Variants in DLC1 observed in about 807,000 individuals in gnomAD.
DLC1 encodes DLC1 Rho GTPase activating protein.
In DLC1, 54 loss-of-function variants were observed where a neutral mutation model predicts 140.3. The observed-to-expected ratio is 0.38, with a 90% CI of 0.31 to 0.48. The LOEUF (loss-of-function observed/expected upper bound fraction) is 0.48, where lower values mean the gene tolerates loss of function less well. Ranked by LOEUF, DLC1 falls within the 20% of genes least tolerant of loss-of-function variation. The pLI is 0.96. For missense variants in DLC1, 2,536 were observed against 1,907.0 expected (o/e 1.33, Z -6.14); for synonymous variants, 986 against 728.1 (o/e 1.35, Z -5.70).
At chr8:13,523,368 T>G (rs1183350303) in intron 1 of DLC1, among the ~76,000 whole-genome samples, 1 of 152,108 alleles carries the variant, frequency 6.6e-6, no homozygotes, top group East Asian at 1.9e-4. Flanking sequence ...TCATCATCAA[T>G]TAAAAAAGGA....
intron 2 of DLC1, among the ~76,000 whole-genome samples, chr8:13,469,226 CTTA>C (rs1800095565): frequency 1.3e-5 from 2 of 152,050 alleles, no homozygotes; most frequent in South Asian, 4.1e-4. Context: ...GGATATTTTT[CTTA>C]TTATAAAGCT....
At chr8:13,581,667 C>G (rs757565126) in intron 1 of DLC1, among the ~76,000 whole-genome samples, 3 of 152,198 alleles carry the variant, frequency 2.0e-5, no homozygotes, top group Non-Finnish European at 4.4e-5. Context: ...GTAATCCAGT[C>G]TACATAATGA....
chr8:13,240,011 C>G (rs1023543016), intron 5 of DLC1, among the ~76,000 whole-genome samples: 8 of 152,150 alleles, frequency 5.3e-5, no homozygotes, highest in African/African-American at 1.9e-4. Flanking sequence ...CTACAGTGCT[C>G]TCTAAACATA....
chr8:13,466,673 TA>T (rs1799958551), intron 2 of DLC1, among the ~76,000 whole-genome samples: 1 of 152,146 alleles, frequency 6.6e-6, no homozygotes, highest in Non-Finnish European at 1.5e-5. Flanking sequence ...GCCACTGTAC[TA>T]AGAGAAACTA....
rs1826031228 is a variant in DLC1, at chr8:13,181,468, T to A, written c.1349-65811A>T. ...CGTCATTTATATTAGGTATTTCTCCTAATGCTATCCCTCCCCCAGCCCCCC... is the reference window on the plus strand; with the variant it reads ...CGTCATTTATATTAGGTATTTCTCCAAATGCTATCCCTCCCCCAGCCCCCC... On this transcript the variant is annotated intron_variant, in intron 5 of 17. Coordinates refer to ENST00000276297, the MANE Select transcript of DLC1 (RefSeq NM_182643.3). Among the ~76,000 whole-genome samples the A allele has an allele frequency of 3.3e-5, 5 of 151,906 alleles. No homozygotes were observed. The South Asian group carries it at 1.0e-3, about 32-fold the overall frequency.
intron 2 of DLC1, among the ~76,000 whole-genome samples, chr8:13,402,445 C>T (rs1461095398): frequency 3.3e-5 from 5 of 151,986 alleles, no homozygotes; most frequent in Admixed American, 6.6e-5. Context: ...GGATGGGGTA[C>T]GGTATTGGCT....
intron 4 of DLC1, among the ~76,000 whole-genome samples, chr8:13,344,461 C>A (rs1834224523): frequency 6.6e-6 from 1 of 152,298 alleles, no homozygotes; most frequent in South Asian, 2.1e-4. Context: ...CCGTTGCACT[C>A]TAGCCTGGGC....
intron 5 of DLC1, among the ~76,000 whole-genome samples, chr8:13,125,706 C>G (rs539110403): frequency 6.6e-6 from 1 of 151,904 alleles, no homozygotes; most frequent in Non-Finnish European, 1.5e-5. Flanking sequence ...GGAATGGAAG[C>G]TTTGGGGAGC....
chr8:13,464,766 T>TATATATATATATA (rs1563370459), intron 2 of DLC1, among the ~76,000 whole-genome samples: 5 of 7,552 alleles, frequency 6.6e-4, no homozygotes, highest in Admixed American at 1.9e-3. Flanking sequence ...ATATATATAT[T>TATATATATATATA]TATATATATA....
upstream of DLC1, among the ~76,000 whole-genome samples, chr8:13,519,871 A>G (rs554029761): frequency 6.6e-6 from 1 of 152,352 alleles, no homozygotes; most frequent in South Asian, 2.1e-4. Context: ...ATATGAAGAA[A>G]ATGCTCATCA....
At chr8:13,138,019 A>G (rs1432033307) in intron 5 of DLC1, among the ~76,000 whole-genome samples, 2 of 152,228 alleles carry the variant, frequency 1.3e-5, no homozygotes, top group African/African-American at 4.8e-5. Context: ...CCTAAACTGC[A>G]TGACAGAAGC....
chr8:13,126,967 C>A (rs1345239845), intron 5 of DLC1, among the ~76,000 whole-genome samples: 1 of 152,190 alleles, frequency 6.6e-6, no homozygotes, highest in African/African-American at 2.4e-5. Flanking sequence ...ATATCAAGTT[C>A]CCTTATCAAA....
At chr8:13,559,708 G>T (rs955173073) in intron 1 of DLC1, among the ~76,000 whole-genome samples, 6 of 152,154 alleles carry the variant, frequency 3.9e-5, no homozygotes, top group Non-Finnish European at 5.9e-5. Context: ...TTCCAATTCT[G>T]TCATCTGTAA....
chr8:13,426,766 T>C (rs1838602733), intron 2 of DLC1, among the ~76,000 whole-genome samples: 1 of 150,618 alleles, frequency 6.6e-6, no homozygotes, highest in Non-Finnish European at 1.5e-5. Flanking sequence ...TATAGTCCCA[T>C]TGCCTCGTTC....
At chr8:13,420,522 T>G (rs1420660467) in intron 2 of DLC1, among the ~76,000 whole-genome samples, 1 of 152,124 alleles carries the variant, frequency 6.6e-6, no homozygotes, top group South Asian at 2.1e-4. Flanking sequence ...AAGTCTCGCA[T>G]GCATTAGGTA....
At chr8:13,354,739 G>T (rs1461394496) in intron 4 of DLC1, among the ~76,000 whole-genome samples, 1 of 148,770 alleles carries the variant, frequency 6.7e-6, no homozygotes, top group East Asian at 2.0e-4. Flanking sequence ...GAGCACAGGA[G>T]TTCAAGACCA....
intron 1 of DLC1, among the ~76,000 whole-genome samples, chr8:13,603,898 G>A (rs1256020218): frequency 2.6e-5 from 4 of 152,012 alleles, no homozygotes; most frequent in South Asian, 2.1e-4. Context: ...TATAAGCTTG[G>A]TAATATATTT....
At chr8:13,228,618 C>T (rs182002421) in intron 5 of DLC1, among the ~76,000 whole-genome samples, 10 of 152,188 alleles carry the variant, frequency 6.6e-5, no homozygotes, top group Middle Eastern at 3.4e-3. Context: ...AGCATGGTGG[C>T]ATGTGGCTGT....
intron 4 of DLC1, among the ~76,000 whole-genome samples, chr8:13,373,084 C>G (rs973142218): frequency 3.9e-5 from 6 of 152,234 alleles, no homozygotes; most frequent in Middle Eastern, 3.4e-3. Context: ...GGTGCGATCA[C>G]AGCTCACTAC....
Sources: allele counts gnomAD v4.1 joint callset (sites outside exome capture counted in the v4.1 genomes callset), GRCh38; gene constraint gnomAD v4.1.1; transcripts MANE v1.5; gene names NCBI Gene and HGNC (gene_info 2026-07-23, HGNC 2026-07-21).